The following CCDC70 variants were observed in gnomAD, a reference collection of about 807,000 sequenced individuals.
CCDC70 encodes the protein coiled-coil domain-containing protein 70.
In CCDC70, 4 loss-of-function variants were observed where a neutral mutation model predicts 9.1. That is an observed-to-expected ratio of 0.44 (90% CI 0.22 to 1.00). The LOEUF (loss-of-function observed/expected upper bound fraction) is 1.00. Ranked by LOEUF, CCDC70 falls within the 50% of genes least tolerant of loss-of-function variation. The pLI, the probability that CCDC70 is intolerant of heterozygous loss-of-function variation, is 0.25. For missense variants in CCDC70, 308 were observed against 271.3 expected, an observed-to-expected ratio of 1.14 and a Z score of -0.95; for synonymous variants, 119 against 94.0, an observed-to-expected ratio of 1.27 and a Z score of -1.54.
At chr13:51,863,693 ACACACACACACACAC>A (rs1000003540) in intron 1 of CCDC70, among the ~76,000 whole-genome samples, 3 of 131,386 alleles carry the variant, frequency 2.3e-5, no homozygotes, top group Non-Finnish European at 3.4e-5. Flanking sequence ...ACACACACAC[ACACACACACACACAC>A]ACCAGCTATG....
intron 1 of CCDC70, among the ~76,000 whole-genome samples, chr13:51,862,708 G>A (rs1956391077): frequency 6.6e-6 from 1 of 152,158 alleles, no homozygotes; most frequent in African/African-American, 2.4e-5. Context: ...GGATTCGCTA[G>A]GTGAACTGAA....
In CCDC70 at chr13:51,865,513, G is replaced by A. The variant is rs777569750; in HGVS notation, c.102G>A (p.Leu34=). 2 of 1,614,212 alleles carry A rather than the reference G, an allele frequency of 1.2e-6. No homozygotes were observed. The highest frequency in any genetic ancestry group is 1.7e-6 in the Non-Finnish European group (2 of 1,180,046). ...SIRQKKLMHK[L]QEEKAFREEM... ...GCCAGAAGAAACTAATGCACAAGCT[G>A]CAGGAGGAAAAGGCTTTTCGCGAAG... Residue 34 remains leucine (L), a synonymous_variant, in exon 2 of 2, where the codon CTG becomes CTA. Coordinates refer to ENST00000242819, the MANE Select transcript of CCDC70 (RefSeq NM_031290.4).
chr13:51,865,890 T>G lies in CCDC70; in HGVS notation c.479T>G (p.Leu160Arg), dbSNP rs191205658. 1 of 1,613,500 alleles carries G rather than the reference T, an allele frequency of 6.2e-7. No individual in the cohort carries two copies. The highest frequency in any genetic ancestry group is 1.3e-5 in the African/African-American group (1 of 74,910). The change falls in exon 2 of 2, where the codon CTT becomes CGT. Residue 160 changes from leucine (L) to arginine (R), a missense_variant. Coordinates refer to ENST00000242819, the MANE Select transcript of CCDC70 (RefSeq NM_031290.4). ...CTGTGGGTAGAGGAAAGAGCCCTCC[T>G]TGAGGGGGAGAAAGCCCTGTGGGAA... ...KALWVEERAL[L>R]EGEKALWEDK...
chr13:51,863,701 ACACACAC>A (rs1415688027), intron 1 of CCDC70, among the ~76,000 whole-genome samples: 12 of 131,514 alleles, frequency 9.1e-5, no homozygotes, highest in South Asian at 2.5e-4. Flanking sequence ...ACACACACAC[ACACACAC>A]ACCAGCTATG....
chr13:51,863,424 G>A (rs1207547935), intron 1 of CCDC70, among the ~76,000 whole-genome samples: 3 of 152,176 alleles, frequency 2.0e-5, no homozygotes, highest in South Asian at 2.1e-4. Context: ...AGAGAGCAGC[G>A]AGACTGTTAC....
rs536392504 is a variant in CCDC70 at position 51,865,327 on chromosome 13, C to A, written c.-80-5C>A. ...ATAGATCTGTCTTTTCTGCTGCCCC[C>A]ACAGGGTCTGACCAGCCGACCTGGA... On this transcript the variant is annotated splice_polypyrimidine_tract_variant and splice_region_variant and intron_variant, in intron 1 of 1. Coordinates refer to ENST00000242819, the MANE Select transcript of CCDC70 (RefSeq NM_031290.4). 4 of 1,470,072 alleles carry A rather than the reference C, an allele frequency of 2.7e-6. No homozygotes were observed. Among genetic ancestry groups the A allele is most frequent in the Non-Finnish European group, 3.7e-6 (4 of 1,089,562 alleles). 91.1% of individuals were successfully genotyped at this position (1,470,072 alleles called of 1,614,324 possible).
At chr13:51,862,819 A>G (rs1241270777) in intron 1 of CCDC70, among the ~76,000 whole-genome samples, 1 of 152,218 alleles carries the variant, frequency 6.6e-6, no homozygotes, top group Non-Finnish European at 1.5e-5. Flanking sequence ...GAGCCATACA[A>G]CATAGAAAAT....
intron 1 of CCDC70, 24 bp from the exon 2 acceptor site, chr13:51,865,308 C>G (rs555626336): frequency 9.3e-6 from 12 of 1,289,364 alleles, no homozygotes; most frequent in Non-Finnish European, 1.3e-5. Context: ...ACTCATAGAT[C>G]TGTCTTTTCT....
Position 51,865,706 on chromosome 13 carries a change from A to G in CCDC70, c.295A>G (p.Met99Val). Residue 99 changes from methionine to valine, a missense_variant, in exon 2 of 2, where the codon ATG becomes GTG. Physicochemically the swap from Met to Val is conservative, Grantham distance 21 (BLOSUM62 1). Transcript: ENST00000242819. ...FWKEEKSFWE[M>V]EKSFREEEKT... ...GAAAGAGGAAAAATCCTTCTGGGAA[A>G]TGGAAAAGTCTTTCAGGGAGGAAGA... 1.2e-6 allele frequency: 2 copies of G among 1,614,218 alleles called. No homozygotes were observed. Among genetic ancestry groups the G allele is most frequent in the Non-Finnish European group, 1.7e-6 (2 of 1,180,038 alleles).
chr13:51,865,327 C>G lies in CCDC70; in HGVS notation c.-80-5C>G, dbSNP rs536392504. The G allele has an allele frequency of 1.4e-6, 2 of 1,470,192 alleles. No homozygotes were observed. Among genetic ancestry groups the G allele is most frequent in the South Asian group, 2.7e-5 (2 of 74,886 alleles). The allele number at this position is 1,470,192 out of a possible 1,614,324, so 91.1% of individuals were successfully genotyped here. On this transcript the variant is annotated splice_polypyrimidine_tract_variant and splice_region_variant and intron_variant, in intron 1 of 1. Transcript: ENST00000242819. ...ATAGATCTGTCTTTTCTGCTGCCCC[C>G]ACAGGGTCTGACCAGCCGACCTGGA...
At chr13:51,863,160 C>A (rs1956393913) in intron 1 of CCDC70, among the ~76,000 whole-genome samples, 1 of 152,244 alleles carries the variant, frequency 6.6e-6, no homozygotes, top group Non-Finnish European at 1.5e-5. Context: ...AAACTGCAGG[C>A]AGAGTGCCAA....
chr13:51,865,461 C>T lies in CCDC70; in HGVS notation c.50C>T (p.Ser17Phe). Residue 17 changes from serine (S) to phenylalanine (F), a missense_variant, in exon 2 of 2, where the codon TCC (serine) becomes TTC (phenylalanine). Ser to Phe is a radical substitution (Grantham distance 155). Coordinates refer to ENST00000242819, the MANE Select transcript of CCDC70 (RefSeq NM_031290.4). ...SRWMGLACFRSLAASSPSIRQ... is the reference protein window; with the variant it reads ...SRWMGLACFRFLAASSPSIRQ... ...TGGATGGGGCTTGCCTGCTTCCGGT[C>T]CCTGGCGGCATCCTCTCCCAGTATT... The T allele has an allele frequency of 1.2e-6, 2 of 1,614,156 alleles. No individual in the cohort carries two copies. The highest frequency in any genetic ancestry group is 1.7e-6 in the Non-Finnish European group (2 of 1,180,020).
intron 1 of CCDC70, among the ~76,000 whole-genome samples, chr13:51,863,672 G>GACACACACACACAC (rs35041555): frequency 2.5e-4 from 34 of 134,388 alleles, no homozygotes; most frequent in African/African-American, 8.7e-4. Context: ...CGCGCACACA[G>GACACACACACACAC]ACACACACAC....
In CCDC70 at chr13:51,866,080, G is replaced by C; in HGVS notation, c.669G>C (p.Ter223TyrextTer44). Reference protein sequence around the residue: ...RLLAFSRGRA* With the variant: ...RLLAFSRGRAY ...TGGCCTTCTCCCGAGGCAGGGCGTAGCCAGCATGCAGGTGCAGGGCCCTGT... is the reference window on the plus strand; with the variant it reads ...TGGCCTTCTCCCGAGGCAGGGCGTACCCAGCATGCAGGTGCAGGGCCCTGT... Residue 223 changes from the stop codon to tyrosine (Y), a stop_lost, in exon 2 of 2, where the codon TAG becomes TAC. Coordinates refer to ENST00000242819, the MANE Select transcript of CCDC70 (RefSeq NM_031290.4). 2 of 1,567,400 alleles carry C rather than the reference G, an allele frequency of 1.3e-6. No individual in the cohort carries two copies. Among genetic ancestry groups the C allele is most frequent in the Non-Finnish European group, 1.7e-6 (2 of 1,159,668 alleles).
At position 51,865,756 on chromosome 13, in the gene CCDC70, C is replaced by G; in HGVS notation, c.345C>G (p.Arg115=). The change falls in exon 2 of 2, where the codon CGC becomes CGG. Residue 115 remains arginine (R), a synonymous_variant. Transcript: ENST00000242819. ...AGAAAACTTTCTGGAAAAAGTACCG[C>G]ACTTTCTGGAAGGAGGATAAGGCCT... ...EEEKTFWKKY[R]TFWKEDKAFW... is the part of the protein sequence containing the mutation. 1 of 1,614,082 alleles carries G rather than the reference C, an allele frequency of 6.2e-7. No individual in the cohort carries two copies. The highest frequency in any genetic ancestry group is 2.2e-5 in the East Asian group (1 of 44,876).
At chr13:51,863,883 C>G (rs1362566701) in intron 1 of CCDC70, among the ~76,000 whole-genome samples, 1 of 152,172 alleles carries the variant, frequency 6.6e-6, no homozygotes, top group East Asian at 1.9e-4. Flanking sequence ...AAATGGAAAA[C>G]AATGCTGTCA....
chr13:51,865,442 G>C lies in CCDC70; in HGVS notation c.31G>C (p.Gly11Arg), dbSNP rs771746667. The stretch of plus-strand genomic sequence containing the variant: ...TTCCTTCAAGGTGAGCAGATGGATG[G>C]GGCTTGCCTGCTTCCGGTCCCTGGC... Reference protein sequence around the residue: MFSFKVSRWMGLACFRSLAAS... With the variant: MFSFKVSRWMRLACFRSLAAS... The change falls in exon 2 of 2, where the codon GGG (glycine) becomes CGG (arginine). Residue 11 changes from glycine to arginine, a missense_variant. Transcript: ENST00000242819. 4.3e-6 allele frequency: 7 copies of C among 1,613,962 alleles called. No individual in the cohort carries two copies. In the South Asian group the frequency reaches 7.7e-5, roughly 18 times the overall value.
At chr13:51,864,544 T>C (rs1439591511) in intron 1 of CCDC70, among the ~76,000 whole-genome samples, 3 of 152,264 alleles carry the variant, frequency 2.0e-5, no homozygotes, top group Non-Finnish European at 2.9e-5. Flanking sequence ...CATGCTGTTG[T>C]AGGCAGCCAT....
rs763268779 is a variant in CCDC70, at chr13:51,865,925, TCCCTCTGGGAGGAAGAGAATG to T, written c.533_553del (p.Asn178_Glu184del). 1.5e-5 allele frequency: 24 copies of T among 1,613,540 alleles called. No homozygotes were observed. Among genetic ancestry groups the T allele is most frequent in the Middle Eastern group, 1.6e-4 (1 of 6,082 alleles). On this transcript the variant is annotated inframe_deletion, in exon 2 of 2. Coordinates refer to ENST00000242819, the MANE Select transcript of CCDC70 (RefSeq NM_031290.4). ...GAAAGCCCTGTGGGAAGATAAAACGTCCCTCTGGGAGGAAGAGAATGCCCTCTGGGAGGAAGAGAGGGCCTT... is the reference window on the plus strand; with the variant it reads ...GAAAGCCCTGTGGGAAGATAAAACGTCCCTCTGGGAGGAAGAGAGGGCCTT...
Sources: allele counts gnomAD v4.1 joint callset (sites outside exome capture counted in the v4.1 genomes callset), GRCh38; gene constraint gnomAD v4.1.1; transcripts MANE v1.5; gene names NCBI Gene and HGNC (gene_info 2026-07-23, HGNC 2026-07-21).